NCKAP5: variants seen among roughly 807,000 people sequenced by gnomAD.
The protein encoded by NCKAP5 is NCK associated protein 5.
NCKAP5 carries 92 observed loss-of-function variants against 167.0 expected under a neutral mutation model. That is an observed-to-expected ratio of 0.55 (90% CI 0.47 to 0.66). The LOEUF (loss-of-function observed/expected upper bound fraction) is 0.66. Ranked by LOEUF, NCKAP5 falls within the 30% of genes least tolerant of loss-of-function variation. NCKAP5 has a pLI of 0.00. For missense variants in NCKAP5, 2,378 were observed against 2,315.0 expected, an observed-to-expected ratio of 1.03 and a Z score of -0.56; for synonymous variants, 891 against 877.4, an observed-to-expected ratio of 1.02 and a Z score of -0.27.
intron 3 of NCKAP5, among the ~76,000 whole-genome samples, chr2:133,355,166 C>T (rs1389910972): frequency 6.6e-6 from 1 of 152,110 alleles, no homozygotes. Context: ...TTGGTAACAG[C>T]CTGTTACTTT....
intron 4 of NCKAP5, among the ~76,000 whole-genome samples, chr2:133,264,759 C>T (rs1431963709): frequency 6.6e-6 from 1 of 152,150 alleles, no homozygotes; most frequent in African/African-American, 2.4e-5. Flanking sequence ...TACAGTCAGA[C>T]TGGGAAGGAG....
At chr2:133,274,480 G>T (rs969296355) in intron 4 of NCKAP5, among the ~76,000 whole-genome samples, 1 of 151,940 alleles carries the variant, frequency 6.6e-6, no homozygotes, top group Non-Finnish European at 1.5e-5. Flanking sequence ...CAAAATCTCA[G>T]CAGATTTATA....
rs1033362420 is a variant in NCKAP5, at chr2:132,733,605, A to C, written c.5129-1554T>G. On this transcript the variant is annotated intron_variant, in intron 16 of 19. Coordinates refer to ENST00000409261, the MANE Select transcript of NCKAP5 (RefSeq NM_207363.3). ...ATGAATAAAGAATGGCAAAATGCAC[A>C]AAGTATTTAGTATATTTATTACATA... Among the ~76,000 whole-genome samples the C allele has an allele frequency of 5.9e-5, 9 of 152,230 alleles. No homozygotes were observed. The East Asian group carries it at 1.5e-3, about 26-fold the overall frequency.
At chr2:133,337,462 G>A (rs1378873399) in intron 3 of NCKAP5, among the ~76,000 whole-genome samples, 1 of 152,166 alleles carries the variant, frequency 6.6e-6, no homozygotes, top group Non-Finnish European at 1.5e-5. Context: ...TCATTATTAT[G>A]GGGTAAAGTT....
chr2:133,198,196 T>G (rs1275740985), intron 5 of NCKAP5, among the ~76,000 whole-genome samples: 1 of 152,132 alleles, frequency 6.6e-6, no homozygotes, highest in Non-Finnish European at 1.5e-5. Flanking sequence ...ATAGCATTTA[T>G]ATCAACAGCC....
At chr2:132,808,160 G>A (rs182385349) in intron 11 of NCKAP5, among the ~76,000 whole-genome samples, 13 of 152,224 alleles carry the variant, frequency 8.5e-5, no homozygotes, top group Non-Finnish European at 1.5e-4. Flanking sequence ...CGGTTAGCTA[G>A]TATTTTGTTA....
At chr2:132,741,807 T>C (rs2105589040) in intron 16 of NCKAP5, among the ~76,000 whole-genome samples, 1 of 152,246 alleles carries the variant, frequency 6.6e-6, no homozygotes, top group East Asian at 1.9e-4. Flanking sequence ...TTCGCACTGT[T>C]ATCCTTGCCC....
At chr2:133,059,564 T>TCA (rs2079922124) in intron 6 of NCKAP5, among the ~76,000 whole-genome samples, 3 of 151,706 alleles carry the variant, frequency 2.0e-5, no homozygotes, top group African/African-American at 7.3e-5. Flanking sequence ...TCCCAGCTAC[T>TCA]CAGGAGGCTT....
At chr2:132,797,393 T>TA (rs1430089709) in intron 11 of NCKAP5, among the ~76,000 whole-genome samples, 1 of 152,236 alleles carries the variant, frequency 6.6e-6, no homozygotes, top group Non-Finnish European at 1.5e-5. Context: ...TTCACTGTAT[T>TA]AATCTTGATA....
intron 8 of NCKAP5, chr2:132,931,483 C>T (rs1459251194): frequency 1.3e-5 from 2 of 152,120 alleles, no homozygotes; most frequent in Admixed American, 1.3e-4. Flanking sequence ...AATTAAACAC[C>T]TTTAAATTTA....
At chr2:133,582,357 G>A in the NCKAP5 span, among the ~76,000 whole-genome samples, 3 of 152,182 alleles carry the variant, frequency 2.0e-5, no homozygotes, top group African/African-American at 7.2e-5. Context: ...TGGCTGAAAC[G>A]GGCTAGACAT....
At chr2:133,342,262 A>G (rs961859362) in intron 3 of NCKAP5, among the ~76,000 whole-genome samples, 2 of 152,154 alleles carry the variant, frequency 1.3e-5, no homozygotes, top group Non-Finnish European at 2.9e-5. Context: ...GAGGGAACTA[A>G]GATTTACTGA....
chr2:133,313,425 T>C lies in NCKAP5; in HGVS notation c.70-10315A>G, dbSNP rs77632692. Reference sequence around the variant, plus strand: ...AAATCTACACAAAAGTTAAACAATTTTTAGTTATATTTGACAAAGATGCTA... The same window carrying C: ...AAATCTACACAAAAGTTAAACAATTCTTAGTTATATTTGACAAAGATGCTA... On this transcript the variant is annotated intron_variant, in intron 3 of 19. Coordinates refer to ENST00000409261, the MANE Select transcript of NCKAP5 (RefSeq NM_207363.3). Among the ~76,000 whole-genome samples the C allele has an allele frequency of 1.0e-2, 1,521 of 152,322 alleles. 26 individuals are homozygous for C. The highest frequency in any genetic ancestry group is 0.034 in the African/African-American group (1,432 of 41,570).
chr2:133,185,043 T>C (rs749375825), intron 5 of NCKAP5, among the ~76,000 whole-genome samples: 1 of 152,150 alleles, frequency 6.6e-6, no homozygotes, highest in Non-Finnish European at 1.5e-5. Context: ...CCTAGACCAC[T>C]ATCTACAAGA....
At chr2:133,541,754 A>T (rs1686242422) in intron 2 of NCKAP5, among the ~76,000 whole-genome samples, 1 of 151,684 alleles carries the variant, frequency 6.6e-6, no homozygotes, top group Non-Finnish European at 1.5e-5. Context: ...CATGATATTG[A>T]CTAAGAAGTT....
intron 5 of NCKAP5, among the ~76,000 whole-genome samples, chr2:133,191,407 G>C (rs768368318): frequency 1.3e-5 from 2 of 152,166 alleles, no homozygotes; most frequent in Non-Finnish European, 2.9e-5. Context: ...ATTTGACCCA[G>C]CAATCCCATT....
At chr2:133,485,275 G>C (rs1680809332) in intron 3 of NCKAP5, among the ~76,000 whole-genome samples, 1 of 152,112 alleles carries the variant, frequency 6.6e-6, no homozygotes, top group Admixed American at 6.6e-5. Context: ...ATTTAGGCTA[G>C]AGTCTTTCCT....
intron 3 of NCKAP5, among the ~76,000 whole-genome samples, chr2:133,324,596 G>A (rs1158312225): frequency 6.6e-6 from 1 of 152,194 alleles, no homozygotes; most frequent in Non-Finnish European, 1.5e-5. Flanking sequence ...TCACTTAGAT[G>A]TCACAAAGAA....
the NCKAP5 span, among the ~76,000 whole-genome samples, chr2:133,576,193 G>T: frequency 4.0e-5 from 6 of 150,444 alleles, no homozygotes; most frequent in African/African-American, 9.7e-5. Flanking sequence ...AAACTTGGCT[G>T]CCATTCTTTT....
Sources: allele counts gnomAD v4.1 joint callset (sites outside exome capture counted in the v4.1 genomes callset), GRCh38; gene constraint gnomAD v4.1.1; transcripts MANE v1.5; gene names NCBI Gene and HGNC (gene_info 2026-07-23, HGNC 2026-07-21).